Variants in RBFOX1 observed in about 807,000 individuals in gnomAD.
The protein encoded by RBFOX1 is RNA binding protein fox-1 homolog 1.
In RBFOX1, 8 loss-of-function variants were observed where a neutral mutation model predicts 57.7. The observed-to-expected ratio is 0.14, with a 90% CI of 0.08 to 0.25. The LOEUF (loss-of-function observed/expected upper bound fraction) is 0.25, where lower values mean the gene tolerates loss of function less well. Ranked by LOEUF, RBFOX1 falls within the 10% of genes least tolerant of loss-of-function variation. The probability of loss-of-function intolerance (pLI) is 1.00; values close to 1 mark genes in which losing one functional copy is unlikely to be tolerated. For synonymous variants in RBFOX1, 326 were observed against 222.4 expected (o/e 1.47, Z -4.15); for missense variants, 611 against 548.5 (o/e 1.11, Z -1.14).
intron 1 of RBFOX1, among the ~76,000 whole-genome samples, chr16:6,128,689 C>G (rs1486432482): frequency 6.6e-6 from 1 of 152,192 alleles, no homozygotes; most frequent in Non-Finnish European, 1.5e-5. Flanking sequence ...TGGAATTTTA[C>G]AGCTGGTCCT....
At chr16:5,991,645 GTTT>G (rs60004233) in intron 4 of RBFOX1, among the ~76,000 whole-genome samples, 6 of 123,960 alleles carry the variant, frequency 4.8e-5, no homozygotes, top group African/African-American at 9.0e-5. Context: ...TTATTAGATA[GTTT>G]TTTTTTTTTT....
chr16:5,429,939 A>G (rs1315147863), intron 1 of RBFOX1, among the ~76,000 whole-genome samples: 2 of 152,106 alleles, frequency 1.3e-5, no homozygotes, highest in Non-Finnish European at 2.9e-5. Flanking sequence ...TTCACTCTGA[A>G]GGTTTGTGGT....
chr16:6,591,752 G>A (rs891010814), intron 2 of RBFOX1, among the ~76,000 whole-genome samples: 2 of 152,180 alleles, frequency 1.3e-5, no homozygotes, highest in Admixed American at 6.5e-5. Flanking sequence ...TGCCCAGAAA[G>A]CAGAGTCTGC....
At chr16:6,255,096 C>G (rs570744229) in intron 1 of RBFOX1, among the ~76,000 whole-genome samples, 1 of 152,194 alleles carries the variant, frequency 6.6e-6, no homozygotes, top group East Asian at 1.9e-4. Flanking sequence ...TGTTTTTCAG[C>G]TCAGCAGGCT....
At chr16:5,775,234 T>C (rs2054107652) in intron 3 of RBFOX1, among the ~76,000 whole-genome samples, 1 of 152,198 alleles carries the variant, frequency 6.6e-6, no homozygotes, top group Non-Finnish European at 1.5e-5. Flanking sequence ...ATCTCCTTAC[T>C]CAACCACCAT....
At chr16:7,264,789 G>T (rs949559567) in intron 4 of RBFOX1, among the ~76,000 whole-genome samples, 2 of 152,160 alleles carry the variant, frequency 1.3e-5, no homozygotes, top group African/African-American at 4.8e-5. Context: ...CCCTTAGGCT[G>T]TCATTTGCCA....
chr16:6,554,161 A>G (rs976516215), intron 2 of RBFOX1, among the ~76,000 whole-genome samples: 8 of 152,252 alleles, frequency 5.3e-5, no homozygotes, highest in African/African-American at 1.7e-4. Context: ...ACAAGAAACC[A>G]TCTTACATAT....
chr16:6,910,966 C>G (rs966423539), intron 3 of RBFOX1, among the ~76,000 whole-genome samples: 11 of 151,914 alleles, frequency 7.2e-5, no homozygotes, highest in African/African-American at 2.4e-4. Context: ...TTTGGGAGGC[C>G]GAGACAGGCG....
chr16:7,201,169 G>C (rs1050080805), intron 4 of RBFOX1, among the ~76,000 whole-genome samples: 3 of 152,184 alleles, frequency 2.0e-5, no homozygotes, highest in African/African-American at 7.2e-5. Context: ...TGGAGAGAAA[G>C]ACCTCTCTGA....
intron 7 of RBFOX1, among the ~76,000 whole-genome samples, chr16:7,590,520 T>C (rs1454247987): frequency 6.6e-6 from 1 of 152,074 alleles, no homozygotes; most frequent in Non-Finnish European, 1.5e-5. Flanking sequence ...TCTGATATGG[T>C]CTATTTAAGG....
intron 2 of RBFOX1, among the ~76,000 whole-genome samples, chr16:6,436,601 C>A (rs2094243183): frequency 6.7e-6 from 1 of 148,898 alleles, no homozygotes; most frequent in Non-Finnish European, 1.5e-5. Context: ...GAAAAATTAC[C>A]ACCCCAAGCC....
At chr16:6,199,373 G>T (rs1250824482) in intron 1 of RBFOX1, among the ~76,000 whole-genome samples, 1 of 152,150 alleles carries the variant, frequency 6.6e-6, no homozygotes, top group Non-Finnish European at 1.5e-5. Context: ...GTTCATGAAA[G>T]TCAAATGAGC....
chr16:7,330,809 G>C (rs978852387), intron 4 of RBFOX1, among the ~76,000 whole-genome samples: 2 of 152,116 alleles, frequency 1.3e-5, no homozygotes, highest in African/African-American at 4.8e-5. Flanking sequence ...ACCTAAGTAA[G>C]TAAGAGCTCT....
intron 3 of RBFOX1, among the ~76,000 whole-genome samples, chr16:6,771,553 TG>T (rs1174173928): frequency 6.6e-6 from 1 of 152,168 alleles, no homozygotes; most frequent in Non-Finnish European, 1.5e-5. Context: ...AAGTCTACCT[TG>T]GTGTCTTCTC....
intron 2 of RBFOX1, among the ~76,000 whole-genome samples, chr16:5,533,864 A>G (rs2044585372): frequency 1.3e-5 from 2 of 152,236 alleles, no homozygotes; most frequent in South Asian, 2.1e-4. Context: ...TCTCCCAAAG[A>G]GAGGTGGGCA....
chr16:5,622,487 C>T (rs1212580340), intron 3 of RBFOX1, among the ~76,000 whole-genome samples: 2 of 152,212 alleles, frequency 1.3e-5, no homozygotes, highest in East Asian at 1.9e-4. Flanking sequence ...AGAGTTAGGT[C>T]ATCGGAGATC....
chr16:6,657,736 C>G (rs772309466), intron 3 of RBFOX1, among the ~76,000 whole-genome samples: 3 of 152,116 alleles, frequency 2.0e-5, no homozygotes, highest in African/African-American at 4.8e-5. Context: ...GTAAACCTGT[C>G]TCTGAAGCGG....
intron 3 of RBFOX1, among the ~76,000 whole-genome samples, chr16:6,887,400 C>T (rs2064321230): frequency 6.6e-6 from 1 of 152,030 alleles, no homozygotes; most frequent in Non-Finnish European, 1.5e-5. Context: ...TTTCAAGAAG[C>T]CGAAAGGATA....
chr16:6,108,722 C>G (rs535776871), intron 1 of RBFOX1, among the ~76,000 whole-genome samples: 2 of 152,050 alleles, frequency 1.3e-5, no homozygotes, highest in South Asian at 4.2e-4. Flanking sequence ...GGGGGAGTGT[C>G]TCCTCCTTCC....
Sources: allele counts gnomAD v4.1 joint callset (sites outside exome capture counted in the v4.1 genomes callset), GRCh38; gene constraint gnomAD v4.1.1; transcripts MANE v1.5; gene names NCBI Gene and HGNC (gene_info 2026-07-23, HGNC 2026-07-21).